Variants in RSL24D1 observed in about 807,000 individuals in gnomAD.
RSL24D1 encodes the protein probable ribosome biogenesis protein RLP24.
In RSL24D1, 6 loss-of-function variants were observed where a neutral mutation model predicts 26.2. That is an observed-to-expected ratio of 0.23 (90% CI 0.13 to 0.45). RSL24D1 has a LOEUF of 0.45. Among genes scored for constraint, RSL24D1 ranks in the 20% least tolerant of loss-of-function variants. The probability of loss-of-function intolerance (pLI) is 0.99; values close to 1 mark genes in which losing one functional copy is unlikely to be tolerated. For missense variants in RSL24D1, 176 were observed against 202.6 expected, an observed-to-expected ratio of 0.87 and a Z score of 0.80; for synonymous variants, 61 against 59.1, an observed-to-expected ratio of 1.03 and a Z score of -0.15.
chr15:55,192,619 G>A (rs1399016785), intron 2 of RSL24D1, 101 bp downstream of exon 2: 1 of 759,092 alleles, frequency 1.3e-6, no homozygotes, highest in Non-Finnish European at 2.3e-6. Flanking sequence ...TATTAATCAT[G>A]TTATAGGAGG....
chr15:55,186,150 C>T (rs1432670931), intron 3 of RSL24D1, among the ~76,000 whole-genome samples: 1 of 152,052 alleles, frequency 6.6e-6, no homozygotes, highest in Non-Finnish European at 1.5e-5. Flanking sequence ...ACATTTTATC[C>T]TTGTTTTCAT....
rs376364267 is a variant in RSL24D1 at position 55,196,903 on chromosome 15, T to C, written c.-13A>G. 6.2e-7 allele frequency: 1 copy of C among 1,613,764 alleles called. No homozygotes were observed. Among genetic ancestry groups the C allele is most frequent in the South Asian group, 1.1e-5 (1 of 91,062 alleles). On this transcript the variant is annotated 5_prime_UTR_variant, in exon 1 of 6. Transcript: ENST00000260443. ...TTTCGATACGCATGTTGAACCCGCG[T>C]GTAACCCCACCAAACAAACGCCAAG...
At chr15:55,196,305 T>TTA in intron 1 of RSL24D1, 1 of 455,416 alleles carries the variant, frequency 2.2e-6, no homozygotes, top group Non-Finnish European at 4.4e-6. Flanking sequence ...CCAAGATAAA[T>TTA]ATCACCTCTA....
At chr15:55,190,740 G>A (rs1409631113) in intron 3 of RSL24D1, among the ~76,000 whole-genome samples, 1 of 151,600 alleles carries the variant, frequency 6.6e-6, no homozygotes, top group African/African-American at 2.4e-5. Flanking sequence ...GGCACTTCAA[G>A]TAGTATCAAA....
chr15:55,188,998 C>G lies in RSL24D1; in HGVS notation c.268+1977G>C, dbSNP rs190342427. On this transcript the variant is annotated intron_variant, in intron 3 of 5. Transcript: ENST00000260443. The stretch of plus-strand genomic sequence containing the variant: ...CCTGAGCTCAGAAGTTCACCACCAG[C>G]CTGGGCAACATGGTGAAACCCCGTC... Among the ~76,000 whole-genome samples, 7 of 152,210 alleles carry G rather than the reference C, an allele frequency of 4.6e-5. No homozygotes were observed. The East Asian group carries it at 1.4e-3, about 29-fold the overall frequency.
At chr15:55,188,575 G>T (rs968444103) in intron 3 of RSL24D1, among the ~76,000 whole-genome samples, 1 of 152,198 alleles carries the variant, frequency 6.6e-6, no homozygotes, top group African/African-American at 2.4e-5. Flanking sequence ...GTATGCCACA[G>T]GCAGTGCTTA....
At chr15:55,196,371 TA>T in intron 1 of RSL24D1, 1 of 458,926 alleles carries the variant, frequency 2.2e-6, no homozygotes, top group Non-Finnish European at 4.4e-6. Context: ...ACTTAATACA[TA>T]ACTCTACCAT....
At chr15:55,188,705 GCATGGAGGAC>G (rs1457244757) in intron 3 of RSL24D1, among the ~76,000 whole-genome samples, 4 of 152,206 alleles carry the variant, frequency 2.6e-5, no homozygotes, top group African/African-American at 9.6e-5. Flanking sequence ...CATGACACCA[GCATGGAGGAC>G]CATGGAACTG....
In RSL24D1 at chr15:55,196,847, G is replaced by C; in HGVS notation, c.44C>G (p.Pro15Arg). The C allele has an allele frequency of 6.2e-7, 1 of 1,614,206 alleles. No homozygotes were observed. Residue 15 changes from proline to arginine, a missense_variant, in exon 1 of 6, where the codon CCT becomes CGT. Around this residue, in one of 3 missense-constraint regions of RSL24D1, gnomAD observed 44 missense variants for 28.8 expected, o/e 1.53. Coordinates refer to ENST00000260443, the MANE Select transcript of RSL24D1 (RefSeq NM_016304.3). ...KCYFCSGPIY[P>R]GHGMMFVRND... ...GCGGACGAACATCATGCCGTGTCCA[G>C]GATAGATGGGCCCCGAACAGAAATA...
chr15:55,196,577 T>C (rs990728813), intron 1 of RSL24D1: 1 of 592,538 alleles, frequency 1.7e-6, no homozygotes, highest in Non-Finnish European at 3.0e-6. Context: ...AGTTCCTCGC[T>C]GCCAACGCCA....
At position 55,180,844 on chromosome 15, in the gene RSL24D1, G is replaced by C. The variant is rs145447708; in HGVS notation, c.*1308C>G. ...GTTTATTTCTTTAAAAAATGAATACGGTATGTAGTAAAAACCCAAGAAATT... is the reference window on the plus strand; with the variant it reads ...GTTTATTTCTTTAAAAAATGAATACCGTATGTAGTAAAAACCCAAGAAATT... On this transcript the variant is annotated 3_prime_UTR_variant, in exon 6 of 6. Coordinates refer to ENST00000260443, the MANE Select transcript of RSL24D1 (RefSeq NM_016304.3). 1 of 151,948 alleles carries C rather than the reference G, an allele frequency of 6.6e-6. No homozygotes were observed. Among genetic ancestry groups the C allele is most frequent in the Non-Finnish European group, 1.5e-5 (1 of 67,996 alleles). 9.4% of individuals were successfully genotyped at this position (151,948 alleles called of 1,614,324 possible).
intron 1 of RSL24D1, among the ~76,000 whole-genome samples, chr15:55,193,468 T>C (rs1894321446): frequency 6.6e-6 from 1 of 152,216 alleles, no homozygotes; most frequent in Admixed American, 6.5e-5. Context: ...TTTTGTTACT[T>C]TGTAATGCCT....
At chr15:55,190,937 T>A (rs997668141) in intron 3 of RSL24D1, 38 bp downstream of exon 3, 4 of 1,352,102 alleles carry the variant, frequency 3.0e-6, no homozygotes, top group Non-Finnish European at 4.2e-6. Flanking sequence ...CCCAAACCAG[T>A]CTCTCCTCAA....
chr15:55,191,692 A>G (rs17238164), intron 2 of RSL24D1, among the ~76,000 whole-genome samples: 15,626 of 152,244 alleles, frequency 0.1, 980 homozygotes, highest in Middle Eastern at 0.15. Context: ...AAAACACACA[A>G]AACAATTTTG....
rs1894178021 is a variant in RSL24D1 at position 55,182,372 on chromosome 15, C to T, written c.419-147G>A. 5.0e-6 allele frequency: 3 copies of T among 601,014 alleles called. No individual in the cohort carries two copies. In the East Asian group the frequency reaches 8.4e-5, roughly 17 times the overall value. 37.2% of individuals were successfully genotyped at this position (601,014 alleles called of 1,614,324 possible). On this transcript the variant is annotated intron_variant, in intron 5 of 5. Coordinates refer to ENST00000260443, the MANE Select transcript of RSL24D1 (RefSeq NM_016304.3). ...TAATAGTAGCTAAACTAACATAGGT[C>T]TTATGATATGCCATGCATCAAATAA...
In RSL24D1 at chr15:55,192,810, T is replaced by C. The variant is rs1240529310; in HGVS notation, c.105A>G (p.Lys35=). Residue 35 remains lysine (K), a synonymous_variant, in exon 2 of 6, where the codon AAA becomes AAG. Coordinates refer to ENST00000260443, the MANE Select transcript of RSL24D1 (RefSeq NM_016304.3). The part of the protein sequence containing the change: ...DCKVFRFCKS[K]CHKNFKKKRN... ...GCTTCTTTTTAAAGTTTTTATGACATTTAGATTTGCAAAATCTGAACACCT... is the reference window on the plus strand; with the variant it reads ...GCTTCTTTTTAAAGTTTTTATGACACTTAGATTTGCAAAATCTGAACACCT... 1.2e-6 allele frequency: 2 copies of C among 1,613,112 alleles called. No individual in the cohort carries two copies. The highest frequency in any genetic ancestry group is 1.7e-5 in the Admixed American group (1 of 59,900).
In RSL24D1 at chr15:55,196,486, T is replaced by C. The variant is rs1188749479; in HGVS notation, c.81+324A>G. 5.3e-6 allele frequency: 3 copies of C among 561,580 alleles called. No homozygotes were observed. In the East Asian group the frequency reaches 1.2e-4, roughly 23 times the overall value. 34.8% of individuals were successfully genotyped at this position (561,580 alleles called of 1,614,324 possible). ...AACAAAGTTTACTGGATTCAAGAAT[T>C]TGGCCCAAGTACATGAGTGGCCAAA... On this transcript the variant is annotated intron_variant, in intron 1 of 5. Coordinates refer to ENST00000260443, the MANE Select transcript of RSL24D1 (RefSeq NM_016304.3).
At chr15:55,196,613 C>G (rs1894361209) in intron 1 of RSL24D1, 197 bp downstream of exon 1, 2 of 607,170 alleles carry the variant, frequency 3.3e-6, no homozygotes, top group Admixed American at 2.9e-5. Context: ...GTGGCCAGCG[C>G]CGCTCGGAAG....
intron 1 of RSL24D1, among the ~76,000 whole-genome samples, chr15:55,195,125 C>G (rs1308000291): frequency 6.6e-6 from 1 of 151,488 alleles, no homozygotes; most frequent in Non-Finnish European, 1.5e-5. Flanking sequence ...AAAGACACCA[C>G]TATCTTTGCA....
Sources: allele counts gnomAD v4.1 joint callset (sites outside exome capture counted in the v4.1 genomes callset), GRCh38; gene constraint gnomAD v4.1.1; regional missense constraint gnomAD v4.1.1; transcripts MANE v1.5; gene names NCBI Gene and HGNC (gene_info 2026-07-23, HGNC 2026-07-21).